Variants in PTPRD observed in about 807,000 individuals in gnomAD.
PTPRD encodes protein tyrosine phosphatase receptor type D, also known as receptor-type tyrosine-protein phosphatase delta.
In PTPRD, 34 loss-of-function variants were observed where a neutral mutation model predicts 214.5. The observed-to-expected ratio is 0.16, with a 90% CI of 0.12 to 0.21. PTPRD has a LOEUF of 0.21. Among genes scored for constraint, PTPRD ranks in the 10% least tolerant of loss-of-function variants. The pLI is 1.00. For synonymous variants in PTPRD, 1,128 were observed against 845.7 expected (o/e 1.33, Z -5.79); for missense variants, 2,545 against 2,398.7 (o/e 1.06, Z -1.27).
At chr9:9,652,432 T>C (rs977872645) in intron 7 of PTPRD, among the ~76,000 whole-genome samples, 1 of 152,122 alleles carries the variant, frequency 6.6e-6, no homozygotes, top group African/African-American at 2.4e-5. Flanking sequence ...GAACTTGTAG[T>C]TGGGGAAGGT....
intron 3 of PTPRD, among the ~76,000 whole-genome samples, chr9:10,228,031 T>C (rs1338747794): frequency 1.3e-5 from 2 of 151,958 alleles, no homozygotes; most frequent in African/African-American, 4.8e-5. Flanking sequence ...GTAATATAGG[T>C]GGTCATTTGT....
chr9:9,669,574 T>C (rs1167285334), intron 7 of PTPRD, among the ~76,000 whole-genome samples: 1 of 152,162 alleles, frequency 6.6e-6, no homozygotes, highest in Non-Finnish European at 1.5e-5. Flanking sequence ...AAAATGATGT[T>C]TTTAAACTTG....
intron 3 of PTPRD, among the ~76,000 whole-genome samples, chr9:10,233,472 T>C (rs1047229652): frequency 6.6e-6 from 1 of 152,032 alleles, no homozygotes; most frequent in East Asian, 1.9e-4. Context: ...GTCCAACAGC[T>C]TGAGATCTCT....
intron 11 of PTPRD, among the ~76,000 whole-genome samples, chr9:8,911,415 T>TGTGTGTTG (rs1555510111): frequency 1.6e-5 from 2 of 127,632 alleles, no homozygotes; most frequent in African/African-American, 2.7e-5. Flanking sequence ...TGTGTGTGTG[T>TGTGTGTTG]TGTGTGTGTG....
intron 3 of PTPRD, among the ~76,000 whole-genome samples, chr9:10,146,436 A>T (rs1223559890): frequency 6.6e-6 from 1 of 152,084 alleles, no homozygotes; most frequent in Non-Finnish European, 1.5e-5. Context: ...TATATAAAAT[A>T]ATTTCAGATG....
chr9:10,075,232 A>C (rs2098114351), intron 3 of PTPRD, among the ~76,000 whole-genome samples: 1 of 152,084 alleles, frequency 6.6e-6, no homozygotes. Flanking sequence ...ACTTGCTAAA[A>C]ATGAGACCCC....
intron 5 of PTPRD, among the ~76,000 whole-genome samples, chr9:9,908,146 C>T (rs1405947566): frequency 1.3e-5 from 2 of 151,228 alleles, no homozygotes; most frequent in Non-Finnish European, 2.9e-5. Flanking sequence ...TCTAGTTGGG[C>T]AAAGGAAAAG....
In PTPRD at chr9:8,327,809, C is replaced by T. The variant is rs1385533127; in HGVS notation, c.5534+3773G>A. 2.6e-5 allele frequency among the ~76,000 whole-genome samples: 4 copies of T among 151,760 alleles called. No individual in the cohort carries two copies. In the East Asian group the frequency reaches 7.8e-4, roughly 29 times the overall value. On this transcript the variant is annotated intron_variant, in intron 44 of 45. Transcript: ENST00000381196. ...ATGCCCTTCTTTGTTGGTTTAAAGT[C>T]CGTTTTATCAGAGACTAGGATTGTA...
At chr9:9,661,460 A>G (rs886643893) in intron 7 of PTPRD, among the ~76,000 whole-genome samples, 2 of 151,920 alleles carry the variant, frequency 1.3e-5, no homozygotes, top group African/African-American at 2.4e-5. Flanking sequence ...TTAACATTAT[A>G]TTAAACTATG....
At chr9:9,760,489 T>A (rs1281657796) in intron 6 of PTPRD, among the ~76,000 whole-genome samples, 2 of 151,928 alleles carry the variant, frequency 1.3e-5, no homozygotes, top group African/African-American at 4.8e-5. Flanking sequence ...TAACCTTTAT[T>A]TCTATCCTTT....
chr9:9,594,538 C>T (rs1049426582), intron 7 of PTPRD, among the ~76,000 whole-genome samples: 4 of 151,950 alleles, frequency 2.6e-5, no homozygotes, highest in African/African-American at 9.7e-5. Context: ...GTGTCCTTTC[C>T]CAATTTATGT....
At chr9:8,603,216 G>T (rs1260779958) in intron 14 of PTPRD, among the ~76,000 whole-genome samples, 1 of 152,116 alleles carries the variant, frequency 6.6e-6, no homozygotes, top group Admixed American at 6.5e-5. Flanking sequence ...TTCAGTCTTT[G>T]TAAAATCATT....
intron 5 of PTPRD, among the ~76,000 whole-genome samples, chr9:9,777,451 T>G (rs1156507152): frequency 1.3e-5 from 2 of 152,130 alleles, no homozygotes. Context: ...TCCCAGCCAT[T>G]TGGGAGGCCG....
At chr9:9,113,641 C>T (rs1294013475) in intron 10 of PTPRD, among the ~76,000 whole-genome samples, 1 of 152,092 alleles carries the variant, frequency 6.6e-6, no homozygotes, top group Non-Finnish European at 1.5e-5. Context: ...CTTCTGTGAA[C>T]TAAAAGCGGT....
intron 9 of PTPRD, among the ~76,000 whole-genome samples, chr9:9,279,307 C>G (rs1029886829): frequency 2.7e-5 from 4 of 147,472 alleles, no homozygotes; most frequent in Non-Finnish European, 4.5e-5. Context: ...TAATCATATA[C>G]ACATGCATAT....
intron 11 of PTPRD, among the ~76,000 whole-genome samples, chr9:8,944,237 A>G (rs987737330): frequency 2.6e-5 from 4 of 152,130 alleles, no homozygotes; most frequent in Admixed American, 1.3e-4. Flanking sequence ...CTTTTATCCA[A>G]AATACAGGCA....
intron 3 of PTPRD, among the ~76,000 whole-genome samples, chr9:10,162,121 A>AT (rs1352704671): frequency 1.3e-5 from 2 of 151,718 alleles, no homozygotes; most frequent in Non-Finnish European, 3.0e-5. Flanking sequence ...GCCACTGTGG[A>AT]TAACTGTATG....
chr9:9,624,229 T>C (rs1181482168), intron 7 of PTPRD, among the ~76,000 whole-genome samples: 2 of 152,162 alleles, frequency 1.3e-5, no homozygotes, highest in African/African-American at 4.8e-5. Flanking sequence ...TCCTGTCTTC[T>C]GCTGGTTGAC....
In PTPRD at chr9:9,214,594, C is replaced by T. The variant is rs189117454; in HGVS notation, c.-202-31231G>A. 1.2e-3 allele frequency among the ~76,000 whole-genome samples: 184 copies of T among 151,898 alleles called. 2 individuals are homozygous for T. The highest frequency in any genetic ancestry group is 0.012 in the Admixed American group (179 of 15,248). ...GAAAGCAAATAAGGCCATTTAATGT[C>T]TTTACCAGGGTAAAACTGACAATGA... On this transcript the variant is annotated intron_variant, in intron 9 of 45. Transcript: ENST00000381196.
Sources: allele counts gnomAD v4.1 joint callset (sites outside exome capture counted in the v4.1 genomes callset), GRCh38; gene constraint gnomAD v4.1.1; transcripts MANE v1.5; gene names NCBI Gene and HGNC (gene_info 2026-07-23, HGNC 2026-07-21).